The following PPP2R3C variants were observed in gnomAD, a reference collection of about 807,000 sequenced individuals.
PPP2R3C encodes protein phosphatase 2 regulatory subunit B''gamma.
In PPP2R3C, 47 loss-of-function variants were observed where a neutral mutation model predicts 63.7. The ratio of observed to expected loss-of-function variants is 0.74; its 90% CI spans 0.58 to 0.94. The LOEUF (loss-of-function observed/expected upper bound fraction) is 0.94. Ranked by LOEUF, PPP2R3C falls within the 40% of genes least tolerant of loss-of-function variation. The probability of loss-of-function intolerance (pLI) is 0.00; values close to 1 mark genes in which losing one functional copy is unlikely to be tolerated. For synonymous variants in PPP2R3C, 180 were observed against 177.4 expected, an observed-to-expected ratio of 1.01 and a Z score of -0.12; for missense variants, 421 against 518.4, an observed-to-expected ratio of 0.81 and a Z score of 1.82.
chr14:35,116,395 G>C (rs1164545795), intron 2 of PPP2R3C, among the ~76,000 whole-genome samples: 1 of 152,008 alleles, frequency 6.6e-6, no homozygotes, highest in Admixed American at 6.6e-5. Flanking sequence ...AGGACTACAG[G>C]CATGCATCAC....
At chr14:35,088,038 A>C (rs775828505) in intron 11 of PPP2R3C, 28 bp from the exon 12 acceptor site, 1 of 1,507,538 alleles carries the variant, frequency 6.6e-7, no homozygotes, top group East Asian at 2.3e-5. Context: ...AAATCTGTAA[A>C]TAAAAAATGA....
intron 6 of PPP2R3C, among the ~76,000 whole-genome samples, chr14:35,104,925 G>C (rs1180885365): frequency 6.6e-6 from 1 of 151,786 alleles, no homozygotes; most frequent in Non-Finnish European, 1.5e-5. Flanking sequence ...ATAGAGACAG[G>C]GTTTCACCAT....
At chr14:35,104,697 C>T (rs779358566) in intron 6 of PPP2R3C, among the ~76,000 whole-genome samples, 4 of 152,168 alleles carry the variant, frequency 2.6e-5, no homozygotes, top group Non-Finnish European at 4.4e-5. Flanking sequence ...CAATCTTAAA[C>T]CCAGAGGTGG....
At chr14:35,117,740 G>C (rs983806990) in intron 1 of PPP2R3C, among the ~76,000 whole-genome samples, 1 of 151,890 alleles carries the variant, frequency 6.6e-6, no homozygotes, top group Admixed American at 6.6e-5. Flanking sequence ...TGTTGCCCAG[G>C]CTGGGGCGCA....
intron 10 of PPP2R3C, among the ~76,000 whole-genome samples, chr14:35,092,562 G>C (rs2045855946): frequency 6.6e-6 from 1 of 152,008 alleles, no homozygotes; most frequent in Admixed American, 6.6e-5. Context: ...TGCCTCCCAG[G>C]TTCAAGTCAT....
intron 2 of PPP2R3C, among the ~76,000 whole-genome samples, chr14:35,115,950 A>G (rs1309883441): frequency 6.6e-6 from 1 of 152,094 alleles, no homozygotes. Flanking sequence ...GGTTTTCCAT[A>G]ATCTATTTTT....
chr14:35,096,462 C>T, intron 9 of PPP2R3C, 96 bp downstream of exon 9: 3 of 1,061,276 alleles, frequency 2.8e-6, no homozygotes, highest in Non-Finnish European at 4.2e-6. Flanking sequence ...ATATTTTGAT[C>T]TTAAGGTATA....
At chr14:35,098,346 G>GTTTTTTTT (rs376634061) in intron 7 of PPP2R3C, among the ~76,000 whole-genome samples, 1 of 94,040 alleles carries the variant, frequency 1.1e-5, no homozygotes, top group Non-Finnish European at 2.0e-5. Context: ...CGCCTGGCTA[G>GTTTTTTTT]TTTTTTTTTT....
intron 2 of PPP2R3C, among the ~76,000 whole-genome samples, chr14:35,114,791 G>A (rs556971040): frequency 6.6e-6 from 1 of 152,096 alleles, no homozygotes; most frequent in African/African-American, 2.4e-5. Context: ...TCAGGAGTAC[G>A]AGACCAGCCT....
At chr14:35,107,461 G>A (rs112727445) in intron 5 of PPP2R3C, 87 bp from the exon 6 acceptor site, 3 of 1,046,576 alleles carry the variant, frequency 2.9e-6, no homozygotes, top group African/African-American at 3.2e-5. Flanking sequence ...TTTGAGACAA[G>A]CTAATCTAGT....
At chr14:35,122,204 G>A (rs1566434576), upstream of PPP2R3C, 1 of 526,818 alleles carries the variant, frequency 1.9e-6, no homozygotes, top group Middle Eastern at 4.7e-4. Context: ...TTCTCCTTCA[G>A]AGGCGACCCA....
rs200861005 is a variant in PPP2R3C at position 35,096,558 on chromosome 14, C to T, written c.838G>A (p.Gly280Ser). 47 of 1,610,984 alleles carry T rather than the reference C, an allele frequency of 2.9e-5. No homozygotes were observed. The highest frequency in any genetic ancestry group is 5.3e-5 in the African/African-American group (4 of 74,798). Residue 280 changes from glycine to serine, a missense_variant and splice_region_variant, in exon 9 of 13, where the codon GGC becomes AGC. Gly to Ser is a moderately conservative substitution (Grantham distance 56). Coordinates refer to ENST00000261475, the MANE Select transcript of PPP2R3C (RefSeq NM_017917.4). ...TTTTAGCATTATGATAGGAACATAC[C>T]ATAAACTCTTAGGGCAGAAGGAGCA... is the stretch of plus-strand genomic sequence containing the variant. ...FSAPSALRVY[G>S]QYLNLDKDHN...
At chr14:35,093,497 A>G (rs990208885) in intron 10 of PPP2R3C, among the ~76,000 whole-genome samples, 1 of 151,926 alleles carries the variant, frequency 6.6e-6, no homozygotes, top group Non-Finnish European at 1.5e-5. Flanking sequence ...TACAAAGTAA[A>G]TTTTCTGTGC....
chr14:35,094,953 CA>C (rs566863539), intron 10 of PPP2R3C, 94 bp downstream of exon 10: 16,778 of 1,082,638 alleles, frequency 0.015, 79 homozygotes, highest in East Asian at 0.059. Flanking sequence ...GACTCTGTCT[CA>C]AAAAAAAAAG....
At chr14:35,104,717 C>A (rs537870211) in intron 6 of PPP2R3C, among the ~76,000 whole-genome samples, 12 of 152,082 alleles carry the variant, frequency 7.9e-5, no homozygotes, top group Non-Finnish European at 1.3e-4. Context: ...GGAATACAGT[C>A]ACATTCATTT....
chr14:35,104,108 G>A (rs1267210851), intron 6 of PPP2R3C, among the ~76,000 whole-genome samples: 5 of 152,116 alleles, frequency 3.3e-5, no homozygotes, highest in African/African-American at 9.7e-5. Flanking sequence ...AATCAATATT[G>A]CTGTTTTTAT....
intron 9 of PPP2R3C, 66 bp from the exon 10 acceptor site, chr14:35,095,250 A>C: frequency 6.6e-7 from 1 of 1,510,620 alleles, no homozygotes. Flanking sequence ...GAATAGACTA[A>C]CAAAAAGTTT....
chr14:35,111,664 C>G (rs2046563887), intron 2 of PPP2R3C, among the ~76,000 whole-genome samples: 1 of 152,300 alleles, frequency 6.6e-6, no homozygotes, highest in South Asian at 2.1e-4. Context: ...TTGTAGTACA[C>G]AGGACTGGCC....
rs561748137 is a variant in PPP2R3C at position 35,094,814 on chromosome 14, T to C, written c.975+234A>G. Reference sequence around the variant, plus strand: ...CCTAAAAGTACAAAAATTAGCTGGATGCAGTGGCATGCACCCATAATCCCA... The same window carrying C: ...CCTAAAAGTACAAAAATTAGCTGGACGCAGTGGCATGCACCCATAATCCCA... On this transcript the variant is annotated intron_variant, in intron 10 of 12. Transcript: ENST00000261475. 2.0e-5 allele frequency among the ~76,000 whole-genome samples: 3 copies of C among 152,128 alleles called. No individual in the cohort carries two copies. In the South Asian group the frequency reaches 6.2e-4, roughly 32 times the overall value.
Sources: allele counts gnomAD v4.1 joint callset (sites outside exome capture counted in the v4.1 genomes callset), GRCh38; gene constraint gnomAD v4.1.1; transcripts MANE v1.5; gene names NCBI Gene and HGNC (gene_info 2026-07-23, HGNC 2026-07-21).